Variants in ELFN2 observed in about 807,000 individuals in gnomAD.
The protein encoded by ELFN2 is extracellular leucine rich repeat and fibronectin type III domain containing 2, also known as protein phosphatase 1 regulatory subunit 29.
ELFN2 carries 17 observed loss-of-function variants against 45.5 expected under a neutral mutation model. That is an observed-to-expected ratio of 0.37 (90% confidence interval 0.26 to 0.56). ELFN2 has a LOEUF of 0.56. ELFN2 is among the 20% of genes least tolerant of loss of function. The pLI is 0.77. For synonymous variants in ELFN2, 550 were observed against 551.5 expected (o/e 1.00, Z 0.04); for missense variants, 922 against 1,183.2 (o/e 0.78, Z 3.24).
At chr22:37,398,811 G>A (rs12160899) in intron 2 of ELFN2, among the ~76,000 whole-genome samples, 32,511 of 151,894 alleles carry the variant, frequency 0.21, 3,664 homozygotes, top group Admixed American at 0.33. Flanking sequence ...TCTCCAGCTG[G>A]TGCGGGATCT....
intron 2 of ELFN2, among the ~76,000 whole-genome samples, chr22:37,412,305 A>G (rs934686721): frequency 6.0e-5 from 9 of 151,162 alleles, no homozygotes; most frequent in Admixed American, 6.6e-5. Flanking sequence ...AGAAAGAAAG[A>G]AAAGGAAAAA....
intron 1 of ELFN2, among the ~76,000 whole-genome samples, chr22:37,345,297 G>A (rs1170075239): frequency 6.6e-6 from 1 of 152,200 alleles, no homozygotes; most frequent in African/African-American, 2.4e-5. Flanking sequence ...CAGATGCTCT[G>A]CAAGGTGACG....
At chr22:37,366,233 A>C (rs1040566106), downstream of ELFN2, among the ~76,000 whole-genome samples, 1 of 152,258 alleles carries the variant, frequency 6.6e-6, no homozygotes, top group African/African-American at 2.4e-5. Context: ...GTTTAGAAAC[A>C]GAATCACTTC....
At chr22:37,380,432 G>A (rs769843669) in intron 2 of ELFN2, among the ~76,000 whole-genome samples, 14 of 152,168 alleles carry the variant, frequency 9.2e-5, no homozygotes, top group Non-Finnish European at 1.8e-4. Flanking sequence ...TCCAGGGCAG[G>A]AGGCCCCACA....
At chr22:37,423,315 A>G (rs1006536771) in intron 1 of ELFN2, among the ~76,000 whole-genome samples, 1 of 152,056 alleles carries the variant, frequency 6.6e-6, no homozygotes, top group Admixed American at 6.5e-5. Context: ...GGCGTCCGCC[A>G]CCCCCAGCTT....
chr22:37,375,318 A>C lies in ELFN2; in HGVS notation c.217T>G (p.Ser73Ala). 6.2e-7 allele frequency: 1 copy of C among 1,613,840 alleles called. No individual in the cohort carries two copies. ...NENKLKAVLY[S>A]SLNRFGNLTD... ...AGGTTCCCAAAGCGGTTGAGCGAGG[A>C]GTAGAGCACGGCTTTGAGCTTGTTC... Residue 73 changes from serine (S) to alanine (A), a missense_variant, in exon 3 of 3, where the codon TCC (serine) becomes GCC (alanine). Coordinates refer to ENST00000402918, the MANE Select transcript of ELFN2 (RefSeq NM_052906.5).
At chr22:37,407,733 T>TA (rs113746773) in intron 2 of ELFN2, among the ~76,000 whole-genome samples, 43 of 144,582 alleles carry the variant, frequency 3.0e-4, no homozygotes, top group Middle Eastern at 3.6e-3. Flanking sequence ...CCATCTCTAC[T>TA]AAAAAAAAAA....
chr22:37,377,956 T>C (rs1438161930), intron 2 of ELFN2, among the ~76,000 whole-genome samples: 1 of 152,202 alleles, frequency 6.6e-6, no homozygotes, highest in Non-Finnish European at 1.5e-5. Flanking sequence ...AAGGTTGTAC[T>C]GGAAGAGGCC....
At chr22:37,347,641 AACACACACACACACACACAC>A (rs55967141) in intron 1 of ELFN2, among the ~76,000 whole-genome samples, 4 of 146,676 alleles carry the variant, frequency 2.7e-5, no homozygotes, top group East Asian at 4.1e-4. Context: ...TGGGTGGCAG[AACACACACACACACACACAC>A]ACACACACAC....
At chr22:37,423,546 G>A (rs1341967745) in intron 1 of ELFN2, among the ~76,000 whole-genome samples, 1 of 152,146 alleles carries the variant, frequency 6.6e-6, no homozygotes, top group Non-Finnish European at 1.5e-5. Flanking sequence ...TCTGTTTCTT[G>A]TCTTCAAAAT....
At chr22:37,342,910 A>G (rs5750424) in intron 1 of ELFN2, among the ~76,000 whole-genome samples, 85,391 of 151,892 alleles carry the variant, frequency 0.56, 24,736 homozygotes, top group Middle Eastern at 0.7. Context: ...TGGAAGATGG[A>G]GAAATGGTAG....
At chr22:37,351,022 G>A (rs1930809383) in intron 1 of ELFN2, among the ~76,000 whole-genome samples, 1 of 150,264 alleles carries the variant, frequency 6.7e-6, no homozygotes, top group African/African-American at 2.4e-5. Context: ...TCCAGGCCCG[G>A]TTCCTCCTCT....
chr22:37,357,014 G>A (rs1051025493), intron 1 of ELFN2, among the ~76,000 whole-genome samples: 9 of 152,172 alleles, frequency 5.9e-5, no homozygotes, highest in East Asian at 1.9e-4. Context: ...TCAGGAGGAC[G>A]GCAGTCTAGA....
intron 2 of ELFN2, among the ~76,000 whole-genome samples, chr22:37,403,488 A>C (rs1476757032): frequency 6.6e-5 from 10 of 152,182 alleles, no homozygotes; most frequent in African/African-American, 2.4e-4. Flanking sequence ...CAACAGGACT[A>C]ATTAATTCCA....
downstream of ELFN2, among the ~76,000 whole-genome samples, chr22:37,366,280 T>C (rs1387784152): frequency 6.6e-6 from 1 of 152,220 alleles, no homozygotes; most frequent in African/African-American, 2.4e-5. Context: ...TTTGCATTTG[T>C]AACATTAGGG....
At chr22:37,391,400 A>G (rs1232692588) in intron 2 of ELFN2, among the ~76,000 whole-genome samples, 1 of 152,042 alleles carries the variant, frequency 6.6e-6, no homozygotes, top group Non-Finnish European at 1.5e-5. Flanking sequence ...CTGGGAACAC[A>G]AGAGAGCCAC....
At chr22:37,358,042 A>G (rs988465004) in intron 1 of ELFN2, among the ~76,000 whole-genome samples, 2 of 152,026 alleles carry the variant, frequency 1.3e-5, no homozygotes, top group African/African-American at 4.8e-5. Context: ...AATTGCTATC[A>G]TTCTCAGCAG....
At chr22:37,406,927 C>T (rs1932516445) in intron 2 of ELFN2, among the ~76,000 whole-genome samples, 2 of 152,252 alleles carry the variant, frequency 1.3e-5, no homozygotes, top group South Asian at 4.1e-4. Context: ...TGGACAGCCC[C>T]ACCTTCCCAA....
At chr22:37,377,223 CA>C (rs1569133507) in intron 2 of ELFN2, among the ~76,000 whole-genome samples, 5 of 152,314 alleles carry the variant, frequency 3.3e-5, no homozygotes, top group Non-Finnish European at 2.9e-5. Flanking sequence ...GCCACAGACT[CA>C]GGGGAGACTT....
Sources: gnomAD v4.1 joint callset for allele counts (sites outside exome capture counted in the v4.1 genomes callset) on GRCh38, gnomAD v4.1.1 for gene constraint, MANE v1.5 for transcripts, NCBI Gene and HGNC (gene_info 2026-07-23, HGNC 2026-07-21) for gene names.